The following CNTN6 variants were observed in gnomAD, a reference collection of about 807,000 sequenced individuals.
The protein encoded by CNTN6 is contactin 6, also known as contactin-6.
CNTN6 carries 137 observed loss-of-function variants against 122.8 expected under a neutral mutation model. The observed-to-expected ratio is 1.12, with a 90% CI of 0.97 to 1.29. The LOEUF (loss-of-function observed/expected upper bound fraction) is 1.29, where lower values mean the gene tolerates loss of function less well. Ranked by LOEUF, CNTN6 falls within the 50% of genes most tolerant of loss-of-function variation. CNTN6 has a pLI of 0.00. For missense variants in CNTN6, 1,634 were observed against 1,223.4 expected (o/e 1.34, Z -5.01); for synonymous variants, 570 against 426.0 (o/e 1.34, Z -4.16).
intron 1 of CNTN6, among the ~76,000 whole-genome samples, chr3:1,119,771 T>C (rs886725176): frequency 6.6e-6 from 1 of 152,024 alleles, no homozygotes; most frequent in African/African-American, 2.4e-5. Flanking sequence ...ATTTTATGGG[T>C]CCAGTTAAAT....
chr3:1,112,857 C>T (rs1242096016), intron 1 of CNTN6, among the ~76,000 whole-genome samples: 1 of 152,028 alleles, frequency 6.6e-6, no homozygotes, highest in Non-Finnish European at 1.5e-5. Flanking sequence ...AAGGCCATAG[C>T]ATTAAGAAGT....
At chr3:1,384,766 T>TAC (rs373282548) in intron 19 of CNTN6, among the ~76,000 whole-genome samples, 11,403 of 122,054 alleles carry the variant, frequency 0.093, 694 homozygotes, top group African/African-American at 0.18. Flanking sequence ...TATACATATA[T>TAC]ATACACATAT....
intron 2 of CNTN6, among the ~76,000 whole-genome samples, chr3:1,158,969 C>CACACATAT (rs1553610778): frequency 8.9e-6 from 1 of 112,968 alleles, no homozygotes; most frequent in African/African-American, 3.8e-5. Context: ...CACACACACA[C>CACACATAT]ATATATATAT....
At chr3:1,155,334 A>T (rs2092939200) in intron 2 of CNTN6, among the ~76,000 whole-genome samples, 2 of 152,198 alleles carry the variant, frequency 1.3e-5, no homozygotes, top group Admixed American at 6.5e-5. Flanking sequence ...ATAAATGAGC[A>T]CGTTATTGAC....
chr3:1,277,141 A>G (rs1290049228), intron 4 of CNTN6, among the ~76,000 whole-genome samples: 1 of 152,152 alleles, frequency 6.6e-6, no homozygotes, highest in Admixed American at 6.5e-5. Context: ...TGGGAGAAGG[A>G]AGAATAGATC....
intron 4 of CNTN6, among the ~76,000 whole-genome samples, chr3:1,245,307 T>TATATAAC (rs1553639260): frequency 1.0e-4 from 1 of 9,798 alleles, no homozygotes; most frequent in African/African-American, 4.6e-4. Flanking sequence ...TATATATATA[T>TATATAAC]ATATATATAT....
intron 11 of CNTN6, among the ~76,000 whole-genome samples, chr3:1,333,666 T>TAG (rs1702638792): frequency 1.3e-5 from 2 of 152,116 alleles, no homozygotes; most frequent in Non-Finnish European, 2.9e-5. Flanking sequence ...CAATAAAGTA[T>TAG]AACTACCTAG....
At chr3:1,370,279 C>A (rs1296404726) in intron 12 of CNTN6, among the ~76,000 whole-genome samples, 1 of 151,252 alleles carries the variant, frequency 6.6e-6, no homozygotes, top group African/African-American at 2.4e-5. Flanking sequence ...TACATGTGCA[C>A]AACGTGGGAA....
At chr3:1,099,583 T>A (rs919608068) in intron 1 of CNTN6, among the ~76,000 whole-genome samples, 8 of 152,232 alleles carry the variant, frequency 5.3e-5, no homozygotes, top group African/African-American at 1.9e-4. Context: ...ACTATTGCAG[T>A]GTTCTATTAT....
chr3:1,306,930 C>G (rs1650780034), intron 7 of CNTN6, among the ~76,000 whole-genome samples: 4 of 152,186 alleles, frequency 2.6e-5, no homozygotes, highest in Admixed American at 2.6e-4. Flanking sequence ...TTTCCTCACT[C>G]ACTCATTTGA....
Position 1,297,957 on chromosome 3 carries a change from T to G in CNTN6, c.727T>G (p.Ser243Ala), listed in dbSNP as rs757753203. Reference sequence around the variant, plus strand: ...TGAAACTATACAAGCTGCAAAGGATTCATCTGTAAAACTGGAATGTTTTGC... The same window carrying G: ...TGAAACTATACAAGCTGCAAAGGATGCATCTGTAAAACTGGAATGTTTTGC... Reference protein sequence around the residue: ...FPETIQAAKDSSVKLECFALG... With the variant: ...FPETIQAAKDASVKLECFALG... Residue 243 changes from serine (S) to alanine (A), a missense_variant, in exon 7 of 23, where the codon TCA (serine) becomes GCA (alanine). Transcript: ENST00000446702. 6.2e-7 allele frequency: 1 copy of G among 1,612,264 alleles called. No individual in the cohort carries two copies. Among genetic ancestry groups the G allele is most frequent in the South Asian group, 1.1e-5 (1 of 90,220 alleles).
chr3:1,372,510 G>T, intron 13 of CNTN6, 36 bp downstream of exon 13: 1 of 1,515,072 alleles, frequency 6.6e-7, no homozygotes, highest in South Asian at 1.2e-5. Flanking sequence ...TTAATAAAAT[G>T]AATCAAGTCT....
intron 1 of CNTN6, among the ~76,000 whole-genome samples, chr3:1,128,638 G>T (rs74633403): frequency 2.0e-5 from 3 of 151,956 alleles, no homozygotes; most frequent in Non-Finnish European, 4.4e-5. Context: ...GAACATAGCT[G>T]TGCTGGTTTT....
chr3:1,170,443 TTAAA>T (rs2093340647), intron 2 of CNTN6, among the ~76,000 whole-genome samples: 1 of 152,062 alleles, frequency 6.6e-6, no homozygotes. Flanking sequence ...GAGTGTCTAT[TTAAA>T]TAACAAACCT....
At chr3:1,365,295 A>G (rs1221144328) in intron 12 of CNTN6, among the ~76,000 whole-genome samples, 2 of 152,104 alleles carry the variant, frequency 1.3e-5, no homozygotes, top group African/African-American at 2.4e-5. Flanking sequence ...TGTATCTTTA[A>G]AAGATTAAGG....
intron 1 of CNTN6, among the ~76,000 whole-genome samples, chr3:1,105,274 G>C (rs115119235): frequency 1.3e-5 from 2 of 151,996 alleles, no homozygotes; most frequent in African/African-American, 4.8e-5. Context: ...TTTGGAAAAT[G>C]CATGCCTGAA....
chr3:1,180,455 T>C (rs2093533029), intron 2 of CNTN6, among the ~76,000 whole-genome samples: 1 of 152,216 alleles, frequency 6.6e-6, no homozygotes, highest in African/African-American at 2.4e-5. Context: ...TTTTTTTCCC[T>C]TTCTAGTTTG....
chr3:1,302,693 C>A (rs908162366), intron 7 of CNTN6, among the ~76,000 whole-genome samples: 2 of 152,050 alleles, frequency 1.3e-5, no homozygotes, highest in East Asian at 3.9e-4. Context: ...GGAAATATCA[C>A]CCCCTATCAC....
intron 2 of CNTN6, among the ~76,000 whole-genome samples, chr3:1,162,757 G>T (rs985752042): frequency 2.6e-5 from 4 of 152,228 alleles, no homozygotes; most frequent in African/African-American, 9.6e-5. Context: ...AGCACGTGAG[G>T]ATTGATGGCA....
Sources: gnomAD v4.1 joint callset for allele counts (sites outside exome capture counted in the v4.1 genomes callset) on GRCh38, gnomAD v4.1.1 for gene constraint, MANE v1.5 for transcripts, NCBI Gene and HGNC (gene_info 2026-07-23, HGNC 2026-07-21) for gene names.